Variants in TTBK1 observed in about 807,000 individuals in gnomAD.
TTBK1 encodes the protein tau tubulin kinase 1.
A neutral mutation model predicts 108.5 loss-of-function variants in TTBK1; 34 were observed. That is an observed-to-expected ratio of 0.31 (90% CI 0.24 to 0.42). TTBK1 has a LOEUF of 0.42. Ranked by LOEUF, TTBK1 falls within the 10% of genes least tolerant of loss-of-function variation. The probability of loss-of-function intolerance (pLI) is 1.00; values close to 1 mark genes in which losing one functional copy is unlikely to be tolerated. For synonymous variants in TTBK1, 809 were observed against 795.1 expected, an observed-to-expected ratio of 1.02 and a Z score of -0.29; for missense variants, 1,539 against 1,826.0, an observed-to-expected ratio of 0.84 and a Z score of 2.86.
rs773160590 is a variant in TTBK1 at position 43,274,112 on chromosome 6, C to T, written c.1987-8615C>T. ...GGGTATGTTCTGAGGACCCTGGGTCCGTGACAAATGCGCTAGTAAATTTTC... is the reference window on the plus strand; with the variant it reads ...GGGTATGTTCTGAGGACCCTGGGTCTGTGACAAATGCGCTAGTAAATTTTC... On this transcript the variant is annotated intron_variant, in intron 13 of 14. Transcript: ENST00000259750. Among the ~76,000 whole-genome samples, 6 of 152,120 alleles carry T rather than the reference C, an allele frequency of 3.9e-5. No individual in the cohort carries two copies. In the South Asian group the frequency reaches 6.2e-4, roughly 16 times the overall value.
In TTBK1 at chr6:43,282,984, T is replaced by A. The variant is rs1464672208; in HGVS notation, c.2244T>A (p.Asp748Glu). The A allele has an allele frequency of 1.3e-6, 2 of 1,577,662 alleles. No homozygotes were observed. Among genetic ancestry groups the A allele is most frequent in the Non-Finnish European group, 1.7e-6 (2 of 1,162,538 alleles). ...AAGATGAGGAAGAGGAAGAAGAGGA[T>A]GAGGAAGAAGAAGAGGAGGAAGAGG... The part of the protein sequence containing the change: ...EEEDEEEEEE[D>E]EEEEEEEEEE... Residue 748 changes from aspartate to glutamate, a missense_variant, in exon 14 of 15, where the codon GAT becomes GAA. By Grantham distance (45) the Asp-to-Glu change is conservative (BLOSUM62 2). Coordinates refer to ENST00000259750, the MANE Select transcript of TTBK1 (RefSeq NM_032538.3). The surrounding 1 kb of genome is among the most constrained non-coding windows in gnomAD (Gnocchi z 5.4).
intron 13 of TTBK1, among the ~76,000 whole-genome samples, chr6:43,275,298 GCCCCGCCGCGCTCCCGCCCCA>G (rs1277411756): frequency 6.6e-6 from 1 of 151,864 alleles, no homozygotes; most frequent in Admixed American, 6.6e-5. Context: ...CCGGACTTCG[GCCCCGCCGCGCTCCCGCCCCA>G]CCCCGCCGCC....
intron 13 of TTBK1, among the ~76,000 whole-genome samples, chr6:43,268,445 ATGCCAAGTCCCT>A (rs1432648709): frequency 2.0e-5 from 3 of 152,220 alleles, no homozygotes; most frequent in Middle Eastern, 3.2e-3. Flanking sequence ...TGGAGGCTCC[ATGCCAAGTCCCT>A]TGTGCCCCCA....
At position 43,284,985 on chromosome 6, in the gene TTBK1, T is replaced by C; in HGVS notation, c.3575T>C (p.Leu1192Pro). Residue 1192 changes from leucine to proline, a missense_variant and splice_region_variant, in exon 15 of 15, where the codon CTC (leucine) becomes CCC (proline). Leu to Pro is a moderately conservative substitution (Grantham distance 98, BLOSUM62 -3). This residue lies in a region of TTBK1 where 1,055 missense variants were observed against 1,086.5 expected (regional missense o/e 0.97). Transcript: ENST00000259750. ...TCCTGCCTTCTGCTCTCAAGCAGGC[T>C]CCAGCTGCAGACGCCCCCAGGGTCG... ...PALDTAITSR[L>P]QLQTPPGSAT... 6.6e-7 allele frequency: 1 copy of C among 1,514,862 alleles called. No homozygotes were observed. The highest frequency in any genetic ancestry group is 8.8e-7 in the Non-Finnish European group (1 of 1,137,382). 93.8% of individuals were successfully genotyped at this position (1,514,862 alleles called of 1,614,324 possible).
chr6:43,283,452 G>T lies in TTBK1; in HGVS notation c.2712G>T (p.Leu904=), dbSNP rs1350888176. 1 of 1,613,752 alleles carries T rather than the reference G, an allele frequency of 6.2e-7. No individual in the cohort carries two copies. The highest frequency in any genetic ancestry group is 2.2e-5 in the East Asian group (1 of 44,852). ...AGCCCCCGGGGCCTGGGGCAGGGCT[G>T]GGGGCCGGGACAGTGACCACAGGGG... ...EPKPPGPGAG[L]GAGTVTTGVG... The change falls in exon 14 of 15, where the codon CTG becomes CTT. Residue 904 remains leucine, a synonymous_variant. Transcript: ENST00000259750. This position sits in a 1 kb window ranked among gnomAD's most constrained non-coding sequence, Gnocchi z 8.1.
intron 2 of TTBK1, chr6:43,247,927 C>T (rs548135584): frequency 8.8e-6 from 1 of 113,356 alleles, no homozygotes; most frequent in African/African-American, 5.7e-5. Context: ...CTGTTTATGT[C>T]CCAGAGGGGG....
chr6:43,280,199 T>A (rs564174836), intron 13 of TTBK1, among the ~76,000 whole-genome samples: 2 of 152,238 alleles, frequency 1.3e-5, no homozygotes, highest in Admixed American at 1.3e-4. Flanking sequence ...GCCACAGCCC[T>A]GGACAGATCC....
chr6:43,255,131 G>C lies in TTBK1; in HGVS notation c.642+17G>C. The C allele has an allele frequency of 6.2e-7, 1 of 1,612,492 alleles. No individual in the cohort carries two copies. Among genetic ancestry groups the C allele is most frequent in the Non-Finnish European group, 8.5e-7 (1 of 1,179,022 alleles). On this transcript the variant is annotated intron_variant, in intron 7 of 14. Transcript: ENST00000259750. ...AAGAACCGGGTGAGTGGCAAAGCCCGGGATGCAGGATGTGGAGGTGGGAGG... is the reference window on the plus strand; with the variant it reads ...AAGAACCGGGTGAGTGGCAAAGCCCCGGATGCAGGATGTGGAGGTGGGAGG...
intron 13 of TTBK1, among the ~76,000 whole-genome samples, chr6:43,274,555 G>A (rs567056616): frequency 6.6e-6 from 1 of 152,258 alleles, no homozygotes; most frequent in Non-Finnish European, 1.5e-5. Context: ...GGGGAGCCTG[G>A]AAAATGCTGT....
chr6:43,255,197 G>GGGGGGGGGC, intron 7 of TTBK1, 83 bp downstream of exon 7: 3 of 638,336 alleles, frequency 4.7e-6, no homozygotes, highest in Non-Finnish European at 2.9e-6. Flanking sequence ...GAGGGGTGGG[G>GGGGGGGGGC]AGAGGAGAGT....
Position 43,276,952 on chromosome 6 carries a change from G to A in TTBK1, c.1987-5775G>A, listed in dbSNP as rs1311226025. 6.6e-6 allele frequency among the ~76,000 whole-genome samples: 1 copy of A among 152,162 alleles called. No homozygotes were observed. The highest frequency in any genetic ancestry group is 2.4e-5 in the African/African-American group (1 of 41,442). ...GAACGGGTGGGGAGGGAAGGGGTGA[G>A]TGGACTCTGGTCTCTGGGACTCAGC... On this transcript the variant is annotated intron_variant, in intron 13 of 14. Transcript: ENST00000259750. The surrounding 1 kb of genome is among the most constrained non-coding windows in gnomAD (Gnocchi z 5.4).
chr6:43,256,366 C>T (rs1446496776), intron 9 of TTBK1, among the ~76,000 whole-genome samples: 5 of 152,140 alleles, frequency 3.3e-5, no homozygotes, highest in Middle Eastern at 3.4e-3. Context: ...AGCTCCTGAC[C>T]TTTTGATCCA....
rs1255272389 is a variant in TTBK1, at chr6:43,253,426, A to G, written c.330+62A>G. On this transcript the variant is annotated intron_variant, in intron 4 of 14. Coordinates refer to ENST00000259750, the MANE Select transcript of TTBK1 (RefSeq NM_032538.3). This position sits in a 1 kb window ranked among gnomAD's most constrained non-coding sequence, Gnocchi z 5.8. ...AGAGCTTGGGCTGTGACTCCAGGGTAGGGGAAGGGAAGGTAGACTGTGGCC... is the reference window on the plus strand; with the variant it reads ...AGAGCTTGGGCTGTGACTCCAGGGTGGGGGAAGGGAAGGTAGACTGTGGCC... 1.2e-6 allele frequency: 2 copies of G among 1,605,352 alleles called. No homozygotes were observed. Among genetic ancestry groups the G allele is most frequent in the Non-Finnish European group, 1.7e-6 (2 of 1,173,640 alleles).
At chr6:43,260,072 T>C (rs138065486) in intron 12 of TTBK1, among the ~76,000 whole-genome samples, 1 of 151,822 alleles carries the variant, frequency 6.6e-6, no homozygotes. Flanking sequence ...GCAGCTGAGG[T>C]AGGCTCTCTT....
chr6:43,247,966 G>A (rs946648873), intron 2 of TTBK1: 1 of 152,218 alleles, frequency 6.6e-6, no homozygotes, highest in Non-Finnish European at 1.5e-5. Flanking sequence ...TACAGAAATC[G>A]GGGGAGGAAG....
rs1778409579 is a variant in TTBK1 at position 43,287,473 on chromosome 6, G to A, written c.*2097G>A. On this transcript the variant is annotated 3_prime_UTR_variant, in exon 15 of 15. Transcript: ENST00000259750. The surrounding 1 kb of genome is among the most constrained non-coding windows in gnomAD (Gnocchi z 4.1). ...AGAAGGGGGCCTGAGAGAGCCCCAG[G>A]TCCATTCTACCCCCAGCTTCACTCA... 6.6e-6 allele frequency: 1 copy of A among 152,582 alleles called. No individual in the cohort carries two copies. The highest frequency in any genetic ancestry group is 1.5e-5 in the Non-Finnish European group (1 of 68,132). 9.5% of individuals were successfully genotyped at this position (152,582 alleles called of 1,614,324 possible).
Position 43,269,584 on chromosome 6 carries a change from G to A in TTBK1, c.1986+6234G>A, listed in dbSNP as rs552464887. On this transcript the variant is annotated intron_variant, in intron 13 of 14. Transcript: ENST00000259750. The surrounding 1 kb of genome is among the most constrained non-coding windows in gnomAD (Gnocchi z 4.8). The stretch of plus-strand genomic sequence containing the variant: ...GTGAGCGGTGGGTGGCCCCGGAGAC[G>A]GAGCTGTCGAGTCTGTGCCTGACAC... 37 of 1,509,466 alleles carry A rather than the reference G, an allele frequency of 2.5e-5. 1 individual carries two copies. The South Asian group carries it at 4.7e-4, about 19-fold the overall frequency. The allele number at this position is 1,509,466 out of a possible 1,614,324, so 93.5% of individuals were successfully genotyped here.
intron 13 of TTBK1, among the ~76,000 whole-genome samples, chr6:43,275,224 GC>G (rs1562095796): frequency 6.6e-6 from 1 of 151,806 alleles, no homozygotes; most frequent in Non-Finnish European, 1.5e-5. Context: ...GCCCGCCCCC[GC>G]GGCCAGCGCC....
At position 43,273,018 on chromosome 6, in the gene TTBK1, C is replaced by G. The variant is rs913029393; in HGVS notation, c.1986+9668C>G. 6.6e-6 allele frequency among the ~76,000 whole-genome samples: 1 copy of G among 152,166 alleles called. No homozygotes were observed. The highest frequency in any genetic ancestry group is 1.5e-5 in the Non-Finnish European group (1 of 68,036). On this transcript the variant is annotated intron_variant, in intron 13 of 14. Coordinates refer to ENST00000259750, the MANE Select transcript of TTBK1 (RefSeq NM_032538.3). The surrounding 1 kb of genome is among the most constrained non-coding windows in gnomAD (Gnocchi z 4.2). ...AATTATTTGTGATTTTATTTAATAG[C>G]CACTGGCACACAGTGCTTATTATGT...
Sources: allele counts gnomAD v4.1 joint callset (sites outside exome capture counted in the v4.1 genomes callset), GRCh38; gene constraint gnomAD v4.1.1; regional missense constraint gnomAD v4.1.1; non-coding constraint Gnocchi (gnomAD v3.1); transcripts MANE v1.5; gene names NCBI Gene and HGNC (gene_info 2026-07-23, HGNC 2026-07-21).